The following AOC1 variants were observed in gnomAD, a reference collection of about 807,000 sequenced individuals.
The protein encoded by AOC1 is amine oxidase copper containing 1.
A neutral mutation model predicts 57.1 loss-of-function variants in AOC1; 58 were observed. The observed-to-expected ratio is 1.02, with a 90% CI of 0.82 to 1.26. AOC1 has a LOEUF of 1.26. AOC1 is among the 50% of genes most tolerant of loss of function. The pLI is 0.00. For missense variants in AOC1, 917 were observed against 1,005.3 expected (o/e 0.91, Z 1.19); for synonymous variants, 401 against 423.4 (o/e 0.95, Z 0.65).
Position 150,857,536 on chromosome 7 carries a change from G to A in AOC1, c.1066G>A (p.Val356Met), listed in dbSNP as rs374360642. Residue 356 changes from valine to methionine, a missense_variant, in exon 2 of 5, where the codon GTG (valine) becomes ATG (methionine). Transcript: ENST00000360937. The surrounding 1 kb of genome is among the most constrained non-coding windows in gnomAD (Gnocchi z 6.6). ...CTATGAGGTCAGCGTGCAAGAGGCAGTGGCGCTGTATGGAGGACACACACC... is the reference window on the plus strand; with the variant it reads ...CTATGAGGTCAGCGTGCAAGAGGCAATGGCGCTGTATGGAGGACACACACC... ...IAYEVSVQEA[V>M]ALYGGHTPAG... 9 of 1,613,926 alleles carry A rather than the reference G, an allele frequency of 5.6e-6. No homozygotes were observed. In the African/African-American group the frequency reaches 9.3e-5, roughly 17 times the overall value.
intron 3 of AOC1, 147 bp from the exon 4 acceptor site, chr7:150,860,354 G>C: frequency 1.4e-6 from 2 of 1,424,202 alleles, no homozygotes; most frequent in Non-Finnish European, 1.9e-6. Flanking sequence ...ACAGCAGCCC[G>C]TCCTGCTGAC....
chr7:150,857,687 C>T lies in AOC1; in HGVS notation c.1217C>T (p.Ala406Val). ...TFLDTFHYYD[A>V]DDPVHYPRAL... is the part of the protein sequence containing the mutation. ...CTGGACACTTTCCACTACTATGATG[C>T]CGATGACCCGGTCCATTATCCCCGA... The change falls in exon 2 of 5, where the codon GCC (alanine) becomes GTC (valine). Residue 406 changes from alanine to valine, a missense_variant. Transcript: ENST00000360937. This position sits in a 1 kb window ranked among gnomAD's most constrained non-coding sequence, Gnocchi z 6.6. 6.2e-7 allele frequency: 1 copy of T among 1,614,120 alleles called. No homozygotes were observed. The highest frequency in any genetic ancestry group is 8.5e-7 in the Non-Finnish European group (1 of 1,179,994).
intron 2 of AOC1, among the ~76,000 whole-genome samples, chr7:150,858,448 C>A (rs1174363411): frequency 6.6e-6 from 1 of 152,094 alleles, no homozygotes; most frequent in Non-Finnish European, 1.5e-5. Flanking sequence ...AACAAGGCCA[C>A]CAGGACCACA....
chr7:150,857,547 T>TA lies in AOC1; in HGVS notation c.1077_1078insA (p.Gly360ArgfsTer25). On this transcript the variant is annotated frameshift_variant, in exon 2 of 5. Coordinates refer to ENST00000360937, the MANE Select transcript of AOC1 (RefSeq NM_001091.4). LOFTEE classifies it high-confidence loss of function. This position sits in a 1 kb window ranked among gnomAD's most constrained non-coding sequence, Gnocchi z 6.6. Reference sequence around the variant, plus strand: ...GCGTGCAAGAGGCAGTGGCGCTGTATGGAGGACACACACCTGCAGGCATGC... The same window carrying TA: ...GCGTGCAAGAGGCAGTGGCGCTGTATAGGAGGACACACACCTGCAGGCATGC... 6.2e-7 allele frequency: 1 copy of TA among 1,614,046 alleles called. No individual in the cohort carries two copies. The highest frequency in any genetic ancestry group is 8.5e-7 in the Non-Finnish European group (1 of 1,180,000).
intron 1 of AOC1, among the ~76,000 whole-genome samples, chr7:150,853,680 TA>T (rs58788376): frequency 0.092 from 8,742 of 95,222 alleles, 491 homozygotes; most frequent in African/African-American, 0.18. Flanking sequence ...TATATATATA[TA>T]TATATATATA....
chr7:150,861,164 G>T lies in AOC1; in HGVS notation c.2211G>T (p.Ser737=). The change falls in exon 5 of 5, where the codon TCG becomes TCT. Residue 737 remains serine, a synonymous_variant. Coordinates refer to ENST00000360937, the MANE Select transcript of AOC1 (RefSeq NM_001091.4). This position sits in a 1 kb window ranked among gnomAD's most constrained non-coding sequence, Gnocchi z 4.5. ...GGATCCCTGAGGACAGGGACTGCTC[G>T]ATGCCTCCCCCTTTTAGCTACAATG... The part of the protein sequence containing the change: ...QRWIPEDRDC[S]MPPPFSYNGT... 1.2e-6 allele frequency: 2 copies of T among 1,610,092 alleles called. No homozygotes were observed. Among genetic ancestry groups the T allele is most frequent in the Non-Finnish European group, 1.7e-6 (2 of 1,176,844 alleles).
intron 3 of AOC1, chr7:150,859,695 T>TCC (rs1799908278): frequency 7.8e-6 from 1 of 129,020 alleles, no homozygotes; most frequent in African/African-American, 3.2e-5. Context: ...AGAGCAAGAC[T>TCC]AGTTCTCAAA....
rs1488142952 is a variant in AOC1 at position 150,860,603 on chromosome 7, T to A, written c.1959T>A (p.Phe653Leu). 2 of 1,614,004 alleles carry A rather than the reference T, an allele frequency of 1.2e-6. No homozygotes were observed. Among genetic ancestry groups the A allele is most frequent in the Non-Finnish European group, 1.7e-6 (2 of 1,179,920 alleles). Residue 653 changes from phenylalanine (F) to leucine (L), a missense_variant, in exon 4 of 5, where the codon TTT (phenylalanine) becomes TTA (leucine). Physicochemically the swap from Phe to Leu is conservative, Grantham distance 22. Transcript: ENST00000360937. ...PWHPPVVFEQ[F>L]LHNNENIENE... ...ACCCGCCCGTGGTCTTTGAGCAGTTTCTTCACAACAACGAGAACATTGAAA... is the reference window on the plus strand; with the variant it reads ...ACCCGCCCGTGGTCTTTGAGCAGTTACTTCACAACAACGAGAACATTGAAA...
intron 1 of AOC1, among the ~76,000 whole-genome samples, chr7:150,853,537 C>A (rs1386918595): frequency 6.6e-6 from 1 of 151,404 alleles, no homozygotes; most frequent in Admixed American, 6.6e-5. Context: ...CTATTAAAGT[C>A]TATTTTTAAA....
chr7:150,857,032 GC>G lies in AOC1; in HGVS notation c.568del (p.Arg190GlyfsTer18). 1 of 1,614,106 alleles carries G rather than the reference GC, an allele frequency of 6.2e-7. No homozygotes were observed. Among genetic ancestry groups the G allele is most frequent in the Admixed American group, 1.7e-5 (1 of 60,026 alleles). ...CAGATGCCTGGCCTTCACCGATGTG[GC>G]CCCCCGGGGTGTGGCTTCTGGCCAG... ...HDRCLAFTDV[A>X]PRGVASGQRR... On this transcript the variant is annotated frameshift_variant, in exon 2 of 5. Coordinates refer to ENST00000360937, the MANE Select transcript of AOC1 (RefSeq NM_001091.4). LOFTEE classifies it high-confidence loss of function. The surrounding 1 kb of genome is among the most constrained non-coding windows in gnomAD (Gnocchi z 6.6).
intron 2 of AOC1, among the ~76,000 whole-genome samples, chr7:150,858,421 C>T (rs1300209930): frequency 6.6e-6 from 1 of 152,132 alleles, no homozygotes; most frequent in African/African-American, 2.4e-5. Context: ...GGTAGAATAA[C>T]TAATGCTGCC....
intron 3 of AOC1, 24 bp downstream of exon 3, chr7:150,859,072 G>T: frequency 6.6e-7 from 1 of 1,522,396 alleles, no homozygotes; most frequent in Non-Finnish European, 8.8e-7. Flanking sequence ...AGGGGGCCTG[G>T]GGGAGGGTCA....
intron 4 of AOC1, 37 bp from the exon 5 acceptor site, chr7:150,860,906 C>T: frequency 1.9e-6 from 3 of 1,593,548 alleles, no homozygotes; most frequent in Admixed American, 3.4e-5. Flanking sequence ...GGTCAGTACT[C>T]AGCCCTGCCC....
chr7:150,858,698 T>G, intron 2 of AOC1, 65 bp from the exon 3 acceptor site: 4 of 1,483,528 alleles, frequency 2.7e-6, no homozygotes, highest in East Asian at 2.3e-5. Context: ...GATCCTGGGG[T>G]AGAATGAGGA....
chr7:150,858,972 C>T lies in AOC1; in HGVS notation c.1780C>T (p.Arg594Cys), dbSNP rs766897897. Residue 594 changes from arginine to cysteine, a missense_variant, in exon 3 of 5, where the codon CGC becomes TGC. By Grantham distance (180) the Arg-to-Cys change is radical (BLOSUM62 -3). Transcript: ENST00000360937. The part of the protein sequence containing the change: ...ENPWGHKRTY[R>C]LQIHSMADQV... The stretch of plus-strand genomic sequence containing the variant: ...CCCCTGGGGCCACAAGCGCACGTAC[C>T]GCCTGCAGATCCACTCCATGGCCGA... The T allele has an allele frequency of 1.9e-5, 30 of 1,605,888 alleles. No individual in the cohort carries two copies. The highest frequency in any genetic ancestry group is 6.7e-5 in the East Asian group (3 of 44,704).
intron 1 of AOC1, among the ~76,000 whole-genome samples, chr7:150,855,785 A>G (rs10441169): frequency 0.013 from 1,924 of 152,344 alleles, 46 homozygotes; most frequent in African/African-American, 0.044. Flanking sequence ...CCCATATGGC[A>G]GACATTGTTA....
chr7:150,860,988 T>A lies in AOC1; in HGVS notation c.2035T>A (p.Ser679Thr). ...GGTGGGCTTCCTGCACATCCCCCACTCAGAGGACATTCCCAACACAGCCAC... is the reference window on the plus strand; with the variant it reads ...GGTGGGCTTCCTGCACATCCCCCACACAGAGGACATTCCCAACACAGCCAC... ...VTVGFLHIPH[S>T]EDIPNTATPG... The change falls in exon 5 of 5, where the codon TCA (serine) becomes ACA (threonine). Residue 679 changes from serine to threonine, a missense_variant. By Grantham distance (58) the Ser-to-Thr change is moderately conservative. Coordinates refer to ENST00000360937, the MANE Select transcript of AOC1 (RefSeq NM_001091.4). 1.2e-6 allele frequency: 2 copies of A among 1,613,686 alleles called. No individual in the cohort carries two copies. Among genetic ancestry groups the A allele is most frequent in the Non-Finnish European group, 1.7e-6 (2 of 1,179,884 alleles).
intron 1 of AOC1, among the ~76,000 whole-genome samples, chr7:150,853,555 T>TA (rs888990692): frequency 8.0e-5 from 12 of 149,200 alleles, no homozygotes; most frequent in South Asian, 2.1e-4. Flanking sequence ...AAAAGTCTAT[T>TA]AAAAAAAAAG....
rs1474899384 is a variant in AOC1, at chr7:150,857,622, G to C, written c.1152G>C (p.Glu384Asp). 6.2e-7 allele frequency: 1 copy of C among 1,614,016 alleles called. No individual in the cohort carries two copies. Among genetic ancestry groups the C allele is most frequent in the East Asian group, 2.2e-5 (1 of 44,870 alleles). Residue 384 changes from glutamate (E) to aspartate (D), a missense_variant, in exon 2 of 5, where the codon GAG (glutamate) becomes GAC (aspartate). Transcript: ENST00000360937. This position sits in a 1 kb window ranked among gnomAD's most constrained non-coding sequence, Gnocchi z 6.6. ...VGWGLGSVTH[E>D]LAPGIDCPET... ...GGGGCCTGGGCAGCGTCACTCATGA[G>C]TTAGCCCCCGGCATCGACTGCCCGG...
Sources: allele counts gnomAD v4.1 joint callset (sites outside exome capture counted in the v4.1 genomes callset), GRCh38; gene constraint gnomAD v4.1.1; non-coding constraint Gnocchi (gnomAD v3.1); transcripts MANE v1.5; gene names NCBI Gene and HGNC (gene_info 2026-07-23, HGNC 2026-07-21).